The following COL16A1 variants were observed in gnomAD, a reference collection of about 807,000 sequenced individuals.
COL16A1 encodes the protein collagen type XVI alpha 1 chain, also known as collagen alpha-1(XVI) chain.
A neutral mutation model predicts 266.3 loss-of-function variants in COL16A1; 189 were observed. That is an observed-to-expected ratio of 0.71 (90% CI 0.63 to 0.80). COL16A1 has a LOEUF of 0.80. COL16A1 is among the 30% of genes least tolerant of loss of function. The probability of loss-of-function intolerance (pLI) is 0.00; values close to 1 mark genes in which losing one functional copy is unlikely to be tolerated. For missense variants in COL16A1, 1,928 were observed against 2,122.4 expected, an observed-to-expected ratio of 0.91 and a Z score of 1.80; for synonymous variants, 740 against 782.3, an observed-to-expected ratio of 0.95 and a Z score of 0.90.
chr1:31,702,080 T>C, intron 2 of COL16A1, 41 bp downstream of exon 2: 1 of 1,613,352 alleles, frequency 6.2e-7, no homozygotes, highest in Non-Finnish European at 8.5e-7. Context: ...AGGATACCAG[T>C]TGCAGGCCTG....
intron 37 of COL16A1, among the ~76,000 whole-genome samples, chr1:31,682,151 G>A (rs1002833238): frequency 3.3e-5 from 5 of 152,302 alleles, no homozygotes; most frequent in South Asian, 4.1e-4. Flanking sequence ...AAATTCTAGC[G>A]GGTTCATGTG....
intron 67 of COL16A1, 108 bp from the exon 68 acceptor site, chr1:31,654,966 AGAT>A: frequency 4.3e-6 from 3 of 702,670 alleles, no homozygotes; most frequent in Non-Finnish European, 4.2e-6. Context: ...AGCCTCCCAC[AGAT>A]TCTTTTTTTT....
chr1:31,693,361 A>C, intron 12 of COL16A1: 1 of 578,166 alleles, frequency 1.7e-6, no homozygotes, highest in Non-Finnish European at 3.1e-6. Context: ...ATGCCCTCCC[A>C]CCCCAAGATG....
intron 32 of COL16A1, 22 bp from the exon 33 acceptor site, chr1:31,684,025 A>C: frequency 1.9e-6 from 3 of 1,614,148 alleles, no homozygotes; most frequent in Non-Finnish European, 1.7e-6. Flanking sequence ...AAGGTGGCCC[A>C]TGGAGTCCCC....
chr1:31,681,929 C>T (rs1444858837), intron 37 of COL16A1, among the ~76,000 whole-genome samples: 2 of 152,190 alleles, frequency 1.3e-5, no homozygotes, highest in Admixed American at 6.5e-5. Context: ...CTGCTTTGGA[C>T]GTTGGTGCAC....
chr1:31,682,802 G>C (rs1469588524), intron 37 of COL16A1, 132 bp downstream of exon 37: 1 of 1,089,676 alleles, frequency 9.2e-7, no homozygotes, highest in Non-Finnish European at 1.3e-6. Flanking sequence ...CTTGTCTGAG[G>C]CTGGGCTGAG....
intron 69 of COL16A1, 88 bp downstream of exon 69, chr1:31,653,779 A>G (rs1199509021): frequency 1.3e-5 from 20 of 1,571,652 alleles, no homozygotes; most frequent in South Asian, 1.1e-4. Context: ...ACACACATAC[A>G]TCCCATATTC....
At position 31,667,607 on chromosome 1, in the gene COL16A1, A is replaced by T. The variant is rs1642248199; in HGVS notation, c.3325T>A (p.Tyr1109Asn). The part of the protein sequence containing the change: ...GLPGIKGERG[Y>N]TGSAGEKGEP... ...CCTTTCTCTCCCGCTGACCCGGTGT[A>T]GCCACGCTCCCCCTTGATGCCCTGA... The change falls in exon 52 of 71, where the codon TAC (tyrosine) becomes AAC (asparagine). Residue 1109 changes from tyrosine (Y) to asparagine (N), a missense_variant. This residue lies in a region of COL16A1 where 1,552 missense variants were observed against 1,637.2 expected (regional missense o/e 0.95). Transcript: ENST00000373672. The T allele has an allele frequency of 2.5e-6, 4 of 1,605,182 alleles. No homozygotes were observed. The highest frequency in any genetic ancestry group is 3.4e-6 in the Non-Finnish European group (4 of 1,176,276).
rs539853823 is a variant in COL16A1, at chr1:31,662,492, C to T, written c.3627+95G>A. The stretch of plus-strand genomic sequence containing the variant: ...CTCTCCACCCCTCCCCTGACTCCCA[C>T]CTCAGCACACACACACAGGTGCACA... On this transcript the variant is annotated intron_variant, in intron 57 of 70. Transcript: ENST00000373672. 465 of 1,555,468 alleles carry T rather than the reference C, an allele frequency of 3.0e-4. 1 individual carries two copies. The highest frequency in any genetic ancestry group is 3.8e-4 in the Non-Finnish European group (431 of 1,148,552).
rs1210537788 is a variant in COL16A1, at chr1:31,699,720, AC to A, written c.266+92del. The A allele has an allele frequency of 9.6e-6, 8 of 833,734 alleles. No individual in the cohort carries two copies. In the African/African-American group the frequency reaches 1.2e-4, roughly 12 times the overall value. The allele number at this position is 833,734 out of a possible 1,614,324, so 51.6% of individuals were successfully genotyped here. A position where few individuals can be genotyped will look rare whatever the true frequency, so the allele number is the denominator to read the frequency against. On this transcript the variant is annotated intron_variant, in intron 4 of 70. Transcript: ENST00000373672. ...GGGGCTGGGATGCAATGACCCACAG[AC>A]AGGCCCCTGGGCTTAAGCCCCACAT...
intron 62 of COL16A1, among the ~76,000 whole-genome samples, chr1:31,659,178 A>T (rs1641431075): frequency 6.6e-6 from 1 of 152,146 alleles, no homozygotes; most frequent in Admixed American, 6.5e-5. Flanking sequence ...CCTCCCTCCA[A>T]CCCAGGCTGA....
chr1:31,701,635 C>T (rs917289848), intron 2 of COL16A1: 4 of 910,872 alleles, frequency 4.4e-6, no homozygotes, highest in South Asian at 5.0e-5. Flanking sequence ...CAGGGCCAGC[C>T]GTGGAGGAGG....
rs370547251 is a variant in COL16A1, at chr1:31,654,058, C to T, written c.4358-15G>A. 1.1e-5 allele frequency: 17 copies of T among 1,610,458 alleles called. No individual in the cohort carries two copies. The highest frequency in any genetic ancestry group is 2.2e-5 in the East Asian group (1 of 44,872). ...AGCCATTCTCTCTGTAAAAAAAGGA[C>T]AAGGACAGGGACAGGTCAGAGGGTC... On this transcript the variant is annotated splice_polypyrimidine_tract_variant and intron_variant, in intron 68 of 70. Coordinates refer to ENST00000373672, the MANE Select transcript of COL16A1 (RefSeq NM_001856.4).
In COL16A1 at chr1:31,698,358, C is replaced by G; in HGVS notation, c.390+125G>C. The G allele has an allele frequency of 6.5e-7, 1 of 1,536,932 alleles. No individual in the cohort carries two copies. The highest frequency in any genetic ancestry group is 8.8e-7 in the Non-Finnish European group (1 of 1,137,030). The stretch of plus-strand genomic sequence containing the variant: ...GAGGTAGGTACTGGTGGGCTGGGGA[C>G]AGGCTTGAGGGTAGGCACAGGATGG... On this transcript the variant is annotated intron_variant, in intron 5 of 70. Coordinates refer to ENST00000373672, the MANE Select transcript of COL16A1 (RefSeq NM_001856.4). This position sits in a 1 kb window ranked among gnomAD's most constrained non-coding sequence, Gnocchi z 4.1.
At chr1:31,695,133 C>G in intron 11 of COL16A1, 53 bp downstream of exon 11, 1 of 1,601,348 alleles carries the variant, frequency 6.2e-7, no homozygotes, top group South Asian at 1.1e-5. Context: ...CTCTAGGCAA[C>G]GTCCACTCCC....
Position 31,661,693 on chromosome 1 carries a change from A to G in COL16A1, c.3693T>C (p.Gly1231=), listed in dbSNP as rs1641684994. The change falls in exon 59 of 71, where the codon GGT becomes GGC. Residue 1231 remains glycine (G), a synonymous_variant. Coordinates refer to ENST00000373672, the MANE Select transcript of COL16A1 (RefSeq NM_001856.4). ...DGKPGLRGDP[G]PAGPPGLMGP... is the part of the protein sequence containing the mutation. ...CCATGAGTCCAGGGGGGCCAGCAGG[A>G]CCAGGGTCCCCCTAGGGAAAGAGAC... The G allele has an allele frequency of 6.2e-7, 1 of 1,601,088 alleles. No individual in the cohort carries two copies. The highest frequency in any genetic ancestry group is 1.4e-5 in the African/African-American group (1 of 73,730).
At chr1:31,675,368 G>T in intron 42 of COL16A1, 57 bp from the exon 43 acceptor site, 1 of 1,591,496 alleles carries the variant, frequency 6.3e-7, no homozygotes, top group East Asian at 2.3e-5. Context: ...CTGCTGGTCA[G>T]CCTGTTTCCT....
intron 67 of COL16A1, 110 bp from the exon 68 acceptor site, chr1:31,654,968 A>ATTT: frequency 2.3e-5 from 10 of 435,724 alleles, no homozygotes; most frequent in East Asian, 1.6e-4. Context: ...CCTCCCACAG[A>ATTT]TTCTTTTTTT....
At chr1:31,695,315 A>G in intron 10 of COL16A1, 94 bp from the exon 11 acceptor site, 2 of 1,252,926 alleles carry the variant, frequency 1.6e-6, no homozygotes, top group Non-Finnish European at 2.3e-6. Flanking sequence ...AACATCACAC[A>G]TATCTTGAGT....
Sources: allele counts gnomAD v4.1 joint callset (sites outside exome capture counted in the v4.1 genomes callset), GRCh38; gene constraint gnomAD v4.1.1; regional missense constraint gnomAD v4.1.1; non-coding constraint Gnocchi (gnomAD v3.1); transcripts MANE v1.5; gene names NCBI Gene and HGNC (gene_info 2026-07-23, HGNC 2026-07-21).